Variants in FUT9 observed in about 807,000 individuals in gnomAD.
The protein encoded by FUT9 is fucosyltransferase 9.
Under a neutral mutation model 29.7 loss-of-function variants are expected in FUT9, and 15 were observed. The observed-to-expected ratio is 0.51, with a 90% CI of 0.34 to 0.78. The LOEUF (loss-of-function observed/expected upper bound fraction) is 0.78. FUT9 is among the 30% of genes least tolerant of loss of function. The pLI, the probability that FUT9 is intolerant of heterozygous loss-of-function variation, is 0.01. For missense variants in FUT9, 319 were observed against 425.4 expected (o/e 0.75, Z 2.20); for synonymous variants, 169 against 153.7 (o/e 1.10, Z -0.74).
At chr6:96,122,586 T>C (rs1401549750) in intron 2 of FUT9, among the ~76,000 whole-genome samples, 4 of 152,172 alleles carry the variant, frequency 2.6e-5, no homozygotes, top group Non-Finnish European at 5.9e-5. Flanking sequence ...ATCATAAACA[T>C]TTTAACATGT....
At chr6:96,069,801 T>C (rs1024617152) in intron 1 of FUT9, among the ~76,000 whole-genome samples, 2 of 151,958 alleles carry the variant, frequency 1.3e-5, no homozygotes, top group Non-Finnish European at 2.9e-5. Context: ...CAGCTAATTT[T>C]TTTGTATTTT....
intron 2 of FUT9, among the ~76,000 whole-genome samples, chr6:96,165,393 TG>T (rs1248625570): frequency 6.6e-6 from 1 of 150,418 alleles, no homozygotes; most frequent in African/African-American, 2.4e-5. Flanking sequence ...ATCACACCAC[TG>T]CACTCCAGCC....
chr6:96,171,764 C>A (rs888426556), intron 2 of FUT9, among the ~76,000 whole-genome samples: 1 of 152,138 alleles, frequency 6.6e-6, no homozygotes. Flanking sequence ...TCAAGACTTT[C>A]CATCACCTCA....
chr6:96,174,483 T>G, intron 2 of FUT9, among the ~76,000 whole-genome samples: 1 of 152,106 alleles, frequency 6.6e-6, no homozygotes. Flanking sequence ...TGGATAAGAT[T>G]ATAGATTGGC....
At chr6:96,078,417 T>C (rs1270924840) in intron 1 of FUT9, among the ~76,000 whole-genome samples, 16 of 92,178 alleles carry the variant, frequency 1.7e-4, no homozygotes, top group African/African-American at 5.9e-4. Context: ...TCTTTTTTTT[T>C]TTTTTTTTTT....
intron 1 of FUT9, among the ~76,000 whole-genome samples, chr6:96,108,119 T>G (rs1771727460): frequency 6.6e-6 from 1 of 151,726 alleles, no homozygotes; most frequent in African/African-American, 2.4e-5. Context: ...TTCTCATTCA[T>G]TCTCACTTGG....
intron 1 of FUT9, among the ~76,000 whole-genome samples, chr6:96,045,178 G>A (rs80125113): frequency 1.9e-4 from 29 of 152,296 alleles, no homozygotes; most frequent in African/African-American, 7.0e-4. Flanking sequence ...AAACCAAGAG[G>A]TGAGAATTGA....
chr6:96,170,709 G>C (rs989603831), intron 2 of FUT9, among the ~76,000 whole-genome samples: 7 of 152,040 alleles, frequency 4.6e-5, no homozygotes, highest in Non-Finnish European at 1.0e-4. Context: ...AATGACAAAA[G>C]AACCACTGTC....
chr6:96,090,329 G>A (rs768230761), intron 1 of FUT9, among the ~76,000 whole-genome samples: 3 of 151,978 alleles, frequency 2.0e-5, no homozygotes, highest in Non-Finnish European at 2.9e-5. Flanking sequence ...TCACAGTAGA[G>A]ATTTAAAATA....
intron 1 of FUT9, among the ~76,000 whole-genome samples, chr6:96,075,195 A>G (rs1396752639): frequency 6.6e-6 from 1 of 152,178 alleles, no homozygotes; most frequent in Non-Finnish European, 1.5e-5. Context: ...GAAAGCTACT[A>G]TAGCACATAA....
intron 2 of FUT9, among the ~76,000 whole-genome samples, chr6:96,170,964 T>C (rs1773102666): frequency 6.6e-6 from 1 of 152,042 alleles, no homozygotes; most frequent in Non-Finnish European, 1.5e-5. Flanking sequence ...TTTTTCCCCC[T>C]TTCTTTCCCT....
intron 2 of FUT9, among the ~76,000 whole-genome samples, chr6:96,137,737 A>C (rs1021921582): frequency 2.6e-5 from 4 of 152,082 alleles, no homozygotes; most frequent in Non-Finnish European, 4.4e-5. Context: ...TGAATAAAAT[A>C]TTGGGTTTAG....
At chr6:96,108,933 G>C (rs185282337) in intron 1 of FUT9, among the ~76,000 whole-genome samples, 1 of 152,062 alleles carries the variant, frequency 6.6e-6, no homozygotes, top group African/African-American at 2.4e-5. Flanking sequence ...GAGAGTGTTA[G>C]GAACCCTTAT....
At chr6:96,055,508 T>A (rs1048022540) in intron 1 of FUT9, among the ~76,000 whole-genome samples, 9 of 151,846 alleles carry the variant, frequency 5.9e-5, no homozygotes, top group Admixed American at 3.9e-4. Context: ...ATTTAGATTT[T>A]AAAAAAATCT....
At chr6:96,074,358 G>A (rs1409339022) in intron 1 of FUT9, among the ~76,000 whole-genome samples, 2 of 152,132 alleles carry the variant, frequency 1.3e-5, no homozygotes, top group African/African-American at 4.8e-5. Flanking sequence ...GTCATTTCTT[G>A]GGAAGAAAGC....
At chr6:96,035,877 T>C in intron 1 of FUT9, among the ~76,000 whole-genome samples, 1 of 104,966 alleles carries the variant, frequency 9.5e-6, no homozygotes, top group South Asian at 2.6e-4. Context: ...TATAATATAA[T>C]ACATTATGTT....
chr6:96,026,972 CT>C (rs1770179869), intron 1 of FUT9, among the ~76,000 whole-genome samples: 1 of 151,630 alleles, frequency 6.6e-6, no homozygotes, highest in African/African-American at 2.4e-5. Context: ...GTAACAGTGT[CT>C]GTTAATGTTG....
At chr6:96,121,448 C>T (rs1254295774) in intron 2 of FUT9, among the ~76,000 whole-genome samples, 1 of 152,104 alleles carries the variant, frequency 6.6e-6, no homozygotes, top group Non-Finnish European at 1.5e-5. Context: ...TCACAGTGAA[C>T]TAGCCCCCCT....
At chr6:96,055,386 G>GT (rs35208471) in intron 1 of FUT9, among the ~76,000 whole-genome samples, 13 of 149,346 alleles carry the variant, frequency 8.7e-5, no homozygotes, top group African/African-American at 3.2e-4. Context: ...TTTGGGGTTT[G>GT]TTTTTTTTCT....
Sources: gnomAD v4.1 joint callset for allele counts (sites outside exome capture counted in the v4.1 genomes callset) on GRCh38, gnomAD v4.1.1 for gene constraint, MANE v1.5 for transcripts, NCBI Gene and HGNC (gene_info 2026-07-23, HGNC 2026-07-21) for gene names.